ZNF207: variants seen among roughly 807,000 people sequenced by gnomAD.
The protein encoded by ZNF207 is BUB3-interacting and GLEBS motif-containing protein ZNF207.
In ZNF207, 24 loss-of-function variants were observed where a neutral mutation model predicts 60.2. The ratio of observed to expected loss-of-function variants is 0.40; its 90% CI spans 0.29 to 0.56. The LOEUF (loss-of-function observed/expected upper bound fraction) is 0.56. ZNF207 is among the 20% of genes least tolerant of loss of function. The probability of loss-of-function intolerance (pLI) is 0.49; values close to 1 mark genes in which losing one functional copy is unlikely to be tolerated. For missense variants in ZNF207, 452 were observed against 636.6 expected, an observed-to-expected ratio of 0.71 and a Z score of 3.12; for synonymous variants, 236 against 194.7, an observed-to-expected ratio of 1.21 and a Z score of -1.77.
intron 10 of ZNF207, 63 bp from the exon 11 acceptor site, chr17:32,369,232 G>T (rs1270183610): frequency 1.3e-6 from 2 of 1,556,784 alleles, no homozygotes; most frequent in East Asian, 4.5e-5. Flanking sequence ...TTAGATGCAT[G>T]CCTTTATGCT....
In ZNF207 at chr17:32,373,313, A is replaced by AT. The variant is rs896823811; in HGVS notation, c.*3559dup. ...TCCTTTTGCTTGCTTGATCATTGGG[A>AT]TTTTTAAAAAAAAAAATTTTAATGC... On this transcript the variant is annotated 3_prime_UTR_variant, in exon 12 of 12. Transcript: ENST00000394670. The AT allele has an allele frequency of 4.7e-5, 29 of 620,202 alleles. No homozygotes were observed. The highest frequency in any genetic ancestry group is 3.7e-5 in the South Asian group (2 of 53,396). The allele number at this position is 620,202 out of a possible 1,614,324, so 38.4% of individuals were successfully genotyped here. A position where few individuals can be genotyped will look rare whatever the true frequency, so the allele number is the denominator to read the frequency against.
chr17:32,353,167 C>G (rs2150786832), intron 2 of ZNF207, among the ~76,000 whole-genome samples: 1 of 152,226 alleles, frequency 6.6e-6, no homozygotes, highest in South Asian at 2.1e-4. Context: ...GGGTGAGACT[C>G]TGTCTCAATA....
In ZNF207 at chr17:32,372,022, C is replaced by G. The variant is rs995071503; in HGVS notation, c.*2263C>G. On this transcript the variant is annotated 3_prime_UTR_variant, in exon 12 of 12. Coordinates refer to ENST00000394670, the MANE Select transcript of ZNF207 (RefSeq NM_001098507.2). ...TTAAGATAAAAATGGTGTGATAGGCCGGGCGCAGTGGCTCACGCCTGTAAT... is the reference window on the plus strand; with the variant it reads ...TTAAGATAAAAATGGTGTGATAGGCGGGGCGCAGTGGCTCACGCCTGTAAT... 4 of 151,718 alleles carry G rather than the reference C, an allele frequency of 2.6e-5. No individual in the cohort carries two copies. Among genetic ancestry groups the G allele is most frequent in the African/African-American group, 9.7e-5 (4 of 41,256 alleles). 9.4% of individuals were successfully genotyped at this position (151,718 alleles called of 1,614,324 possible).
At chr17:32,367,050 G>A (rs972970577) in intron 9 of ZNF207, among the ~76,000 whole-genome samples, 5 of 151,482 alleles carry the variant, frequency 3.3e-5, no homozygotes, top group Non-Finnish European at 5.9e-5. Context: ...GCTGTTTAAT[G>A]CATCACATTT....
Position 32,373,525 on chromosome 17 carries a change from A to G in ZNF207, c.*3766A>G. On this transcript the variant is annotated 3_prime_UTR_variant, in exon 12 of 12. Transcript: ENST00000394670. ...TGGCTGTTGGATATTTATGTCCCCAAACTTGCAGCAAGTTTGGTGAAGGCC... is the reference window on the plus strand; with the variant it reads ...TGGCTGTTGGATATTTATGTCCCCAGACTTGCAGCAAGTTTGGTGAAGGCC... 2.1e-6 allele frequency: 1 copy of G among 471,216 alleles called. No individual in the cohort carries two copies. The highest frequency in any genetic ancestry group is 3.8e-6 in the Non-Finnish European group (1 of 261,902). 29.2% of individuals were successfully genotyped at this position (471,216 alleles called of 1,614,324 possible).
At chr17:32,357,420 C>T (rs1394569153) in intron 2 of ZNF207, among the ~76,000 whole-genome samples, 2 of 147,908 alleles carry the variant, frequency 1.4e-5, no homozygotes, top group Admixed American at 6.9e-5. Context: ...ACGGTCTCGG[C>T]TCACTGTAAC....
intron 5 of ZNF207, 67 bp downstream of exon 5, chr17:32,361,034 T>TA: frequency 6.6e-7 from 1 of 1,515,388 alleles, no homozygotes; most frequent in Non-Finnish European, 9.1e-7. Context: ...ATTTGGATGT[T>TA]ATATGAATGA....
chr17:32,357,339 A>ATTTTTTTTT (rs1405292203), intron 2 of ZNF207, among the ~76,000 whole-genome samples: 3 of 81,932 alleles, frequency 3.7e-5, no homozygotes, highest in African/African-American at 1.2e-4. Flanking sequence ...TATTATTATT[A>ATTTTTTTTT]TTATTATTAT....
At position 32,372,181 on chromosome 17, in the gene ZNF207, T is replaced by TC. The variant is rs1009432940; in HGVS notation, c.*2425dup. 4 of 152,140 alleles carry TC rather than the reference T, an allele frequency of 2.6e-5. No individual in the cohort carries two copies. Among genetic ancestry groups the TC allele is most frequent in the Admixed American group, 6.6e-5 (1 of 15,246 alleles). 9.4% of individuals were successfully genotyped at this position (152,140 alleles called of 1,614,324 possible). ...TGGGCGTAGTTGCGGATGCCTGTAGTCCCAACTACTCTGGAGACCGAGGCA... is the reference window on the plus strand; with the variant it reads ...TGGGCGTAGTTGCGGATGCCTGTAGTCCCCAACTACTCTGGAGACCGAGGCA... On this transcript the variant is annotated 3_prime_UTR_variant, in exon 12 of 12. Transcript: ENST00000394670.
Position 32,360,836 on chromosome 17 carries a change from C to T in ZNF207, c.476-56C>T. 4 of 1,612,050 alleles carry T rather than the reference C, an allele frequency of 2.5e-6. No individual in the cohort carries two copies. In the Admixed American group the frequency reaches 5.0e-5, roughly 20 times the overall value. The stretch of plus-strand genomic sequence containing the variant: ...TGATATTGTATCGAAGTATTACTTT[C>T]TTCCCTCTAACTCTTTAATATTTGT... On this transcript the variant is annotated intron_variant, in intron 4 of 11. Coordinates refer to ENST00000394670, the MANE Select transcript of ZNF207 (RefSeq NM_001098507.2).
intron 9 of ZNF207, among the ~76,000 whole-genome samples, chr17:32,367,270 T>C: frequency 8.2e-6 from 1 of 121,644 alleles, no homozygotes; most frequent in South Asian, 2.4e-4. Context: ...TATATATATA[T>C]ATATATATAT....
rs1344303277 is a variant in ZNF207, at chr17:32,370,708, A to G, written c.*949A>G. On this transcript the variant is annotated 3_prime_UTR_variant, in exon 12 of 12. Transcript: ENST00000394670. ...CTTCCTGCTGAGATGTTTAGAGCCTAGTGCCAGACCCATTCATTTCCTTTT... is the reference window on the plus strand; with the variant it reads ...CTTCCTGCTGAGATGTTTAGAGCCTGGTGCCAGACCCATTCATTTCCTTTT... 6.6e-6 allele frequency: 1 copy of G among 152,250 alleles called. No individual in the cohort carries two copies. Among genetic ancestry groups the G allele is most frequent in the Admixed American group, 6.5e-5 (1 of 15,282 alleles). 9.4% of individuals were successfully genotyped at this position (152,250 alleles called of 1,614,324 possible). A position where few individuals can be genotyped will look rare whatever the true frequency, so the allele number is the denominator to read the frequency against.
At chr17:32,355,160 C>G (rs562264693) in intron 2 of ZNF207, among the ~76,000 whole-genome samples, 1 of 152,090 alleles carries the variant, frequency 6.6e-6, no homozygotes, top group African/African-American at 2.4e-5. Flanking sequence ...TTTGGTAGGC[C>G]GAGATGGACT....
chr17:32,365,939 A>G (rs1905143205), intron 8 of ZNF207, among the ~76,000 whole-genome samples: 1 of 152,144 alleles, frequency 6.6e-6, no homozygotes, highest in Non-Finnish European at 1.5e-5. Flanking sequence ...AAAATGGCGT[A>G]ATTTAATGGC....
intron 5 of ZNF207, 118 bp downstream of exon 5, chr17:32,361,085 C>T (rs1597777268): frequency 3.0e-6 from 3 of 1,004,660 alleles, no homozygotes; most frequent in South Asian, 1.5e-5. Context: ...GGTATGGGCT[C>T]TATATATCTT....
At position 32,376,335 on chromosome 17, in the gene ZNF207, TA is replaced by T. The variant is rs1281696065; in HGVS notation, c.*6583del. 3 of 152,070 alleles carry T rather than the reference TA, an allele frequency of 2.0e-5. No homozygotes were observed. The highest frequency in any genetic ancestry group is 6.5e-5 in the Admixed American group (1 of 15,272). 9.4% of individuals were successfully genotyped at this position (152,070 alleles called of 1,614,324 possible). A position where few individuals can be genotyped will look rare whatever the true frequency, so the allele number is the denominator to read the frequency against. On this transcript the variant is annotated 3_prime_UTR_variant, in exon 12 of 12. Coordinates refer to ENST00000394670, the MANE Select transcript of ZNF207 (RefSeq NM_001098507.2). ...AATAGATTACGTTTTAAAGTAACAT[TA>T]AAAAAATTCTTCAGTAAGATAATTG...
At chr17:32,367,605 T>G (rs965926169) in intron 9 of ZNF207, among the ~76,000 whole-genome samples, 167 bp from the exon 10 acceptor site, 2 of 152,126 alleles carry the variant, frequency 1.3e-5, no homozygotes, top group Non-Finnish European at 2.9e-5. Flanking sequence ...GATATTTTTA[T>G]GGGTTATCTT....
At position 32,381,355 on chromosome 17, in the gene ZNF207, C is replaced by G. The variant is rs373949130; in HGVS notation, c.*11596C>G. On this transcript the variant is annotated 3_prime_UTR_variant, in exon 12 of 12. Transcript: ENST00000394670. ...GGTCTAAAGAAAAATCATGACTGAT[C>G]GCATAATTTTTAATGTAAGTAAATG... is the stretch of plus-strand genomic sequence containing the variant. 1.3e-5 allele frequency: 2 copies of G among 152,276 alleles called. No individual in the cohort carries two copies. The highest frequency in any genetic ancestry group is 2.4e-5 in the African/African-American group (1 of 41,544). The allele number at this position is 152,276 out of a possible 1,614,324, so 9.4% of individuals were successfully genotyped here.
intron 3 of ZNF207, among the ~76,000 whole-genome samples, chr17:32,360,178 C>CG (rs1447751387): frequency 2.3e-4 from 23 of 100,178 alleles, no homozygotes; most frequent in South Asian, 1.6e-3. Flanking sequence ...TCACCTTTAC[C>CG]CCCCCCCCAA....
Sources: allele counts gnomAD v4.1 joint callset (sites outside exome capture counted in the v4.1 genomes callset), GRCh38; gene constraint gnomAD v4.1.1; transcripts MANE v1.5; gene names NCBI Gene and HGNC (gene_info 2026-07-23, HGNC 2026-07-21).